Variants in PHC1 observed in about 807,000 individuals in gnomAD.
The protein encoded by PHC1 is polyhomeotic homolog 1, also known as polyhomeotic-like protein 1.
Under a neutral mutation model 104.3 loss-of-function variants are expected in PHC1, and 12 were observed. The observed-to-expected ratio is 0.12, with a 90% CI of 0.07 to 0.19. The LOEUF is 0.19. Among genes scored for constraint, PHC1 ranks in the 10% least tolerant of loss-of-function variants. PHC1 has a pLI of 1.00. For synonymous variants in PHC1, 302 were observed against 455.8 expected, an observed-to-expected ratio of 0.66 and a Z score of 4.30; for missense variants, 671 against 1,200.0, an observed-to-expected ratio of 0.56 and a Z score of 6.51.
chr12:8,935,764 T>C (rs117437670), intron 11 of PHC1, among the ~76,000 whole-genome samples: 15 of 151,834 alleles, frequency 9.9e-5, no homozygotes, highest in Admixed American at 4.6e-4. Flanking sequence ...GAATTATTAT[T>C]ATTATTTTTT....
chr12:8,936,661 G>C (rs780731654), intron 11 of PHC1, among the ~76,000 whole-genome samples, 195 bp from the exon 12 acceptor site: 1 of 152,142 alleles, frequency 6.6e-6, no homozygotes, highest in Non-Finnish European at 1.5e-5. Flanking sequence ...TTAGGAAGAC[G>C]TCATAAAGTT....
intron 6 of PHC1, among the ~76,000 whole-genome samples, 158 bp downstream of exon 6, chr12:8,922,946 A>G (rs1042971170): frequency 2.6e-5 from 4 of 152,242 alleles, no homozygotes; most frequent in African/African-American, 9.6e-5. Context: ...CTTGAATCCC[A>G]TATAACCTTT....
intron 6 of PHC1, among the ~76,000 whole-genome samples, chr12:8,925,259 T>G (rs893716187): frequency 2.0e-5 from 3 of 152,198 alleles, no homozygotes; most frequent in Admixed American, 2.0e-4. Flanking sequence ...GTTGCTGCGT[T>G]TGACTGCTTG....
Position 8,930,729 on chromosome 12 carries a change from A to G in PHC1, c.907A>G (p.Ser303Gly), listed in dbSNP as rs936230594. ...GCCTTCCTCAGGAATGGGTGGTGGG[A>G]GCTGTCCCAGAAAGGGTACAGGAGT... ...QLPSSGMGGG[S>G]CPRKGTGVVQ... The change falls in exon 7 of 15, where the codon AGC becomes GGC. Residue 303 changes from serine to glycine, a missense_variant. Transcript: ENST00000544916. 8.7e-6 allele frequency: 11 copies of G among 1,261,204 alleles called. No individual in the cohort carries two copies. The Admixed American group carries it at 9.1e-5, about 10-fold the overall frequency. 78.1% of individuals were successfully genotyped at this position (1,261,204 alleles called of 1,614,324 possible). A position where few individuals can be genotyped will look rare whatever the true frequency, so the allele number is the denominator to read the frequency against.
Position 8,919,920 on chromosome 12 carries a change from G to A in PHC1, c.225+54G>A. On this transcript the variant is annotated intron_variant, in intron 3 of 14. Transcript: ENST00000544916. This position sits in a 1 kb window ranked among gnomAD's most constrained non-coding sequence, Gnocchi z 4.9. ...GAGGGAGGGGACAGGCACTACAGGT[G>A]GGTAGGGGAGATTTTTTGGGCATAT... is the stretch of plus-strand genomic sequence containing the variant. 1 of 1,571,184 alleles carries A rather than the reference G, an allele frequency of 6.4e-7. No individual in the cohort carries two copies. The highest frequency in any genetic ancestry group is 8.6e-7 in the Non-Finnish European group (1 of 1,156,226).
intron 6 of PHC1, 38 bp downstream of exon 6, chr12:8,922,826 G>A (rs916883110): frequency 1.3e-6 from 2 of 1,593,208 alleles, no homozygotes; most frequent in Non-Finnish European, 1.7e-6. Context: ...TGGGCACTGG[G>A]CAGGATGAAG....
chr12:8,924,064 T>C (rs1846340422), intron 6 of PHC1, among the ~76,000 whole-genome samples: 2 of 152,160 alleles, frequency 1.3e-5, no homozygotes, highest in African/African-American at 4.8e-5. Flanking sequence ...GTCTGCAGAC[T>C]TTGATGTCCA....
intron 6 of PHC1, among the ~76,000 whole-genome samples, chr12:8,925,233 T>C (rs1030121944): frequency 2.6e-5 from 4 of 152,224 alleles, no homozygotes; most frequent in Non-Finnish European, 5.9e-5. Flanking sequence ...CAGGATGTGT[T>C]GTGAGGACTA....
At chr12:8,916,181 G>A (rs1387131500) in intron 1 of PHC1, 2 of 154,326 alleles carry the variant, frequency 1.3e-5, no homozygotes, top group African/African-American at 2.4e-5. Flanking sequence ...ATACATGTTT[G>A]CAGTGACATT....
Position 8,922,763 on chromosome 12 carries a change from C to T in PHC1, c.587C>T (p.Pro196Leu), listed in dbSNP as rs1450018990. Reference sequence around the variant, plus strand: ...CAGGAGGTGCCATCTGCTCAGTCTCCTGGAGTTCATGCAGATGCAGATCAG... The same window carrying T: ...CAGGAGGTGCCATCTGCTCAGTCTCTTGGAGTTCATGCAGATGCAGATCAG... ...VQQEVPSAQS[P>L]GVHADADQVQ... Residue 196 changes from proline to leucine, a missense_variant, in exon 6 of 15, where the codon CCT (proline) becomes CTT (leucine). This residue lies in a region of PHC1 where 237 missense variants were observed against 331.1 expected (regional missense o/e 0.72). Transcript: ENST00000544916. 2.5e-6 allele frequency: 4 copies of T among 1,612,772 alleles called. No individual in the cohort carries two copies. Among genetic ancestry groups the T allele is most frequent in the Non-Finnish European group, 3.4e-6 (4 of 1,179,590 alleles).
rs779450609 is a variant in PHC1 at position 8,930,613 on chromosome 12, T to G, written c.791T>G (p.Leu264Arg). Residue 264 changes from leucine (L) to arginine (R), a missense_variant, in exon 7 of 15, where the codon CTT (leucine) becomes CGT (arginine). By Grantham distance (102) the Leu-to-Arg change is moderately radical (BLOSUM62 -2). Around this residue, in one of 9 missense-constraint regions of PHC1, gnomAD observed 237 missense variants for 331.1 expected, o/e 0.72. Transcript: ENST00000544916. ...GGGGCCACAAACCAGTCCCTCAACC[T>G]TAGTCAAGCTGGTGGAGGCAGTGGG... is the stretch of plus-strand genomic sequence containing the variant. The part of the protein sequence containing the change: ...SSGATNQSLN[L>R]SQAGGGSGNS... 1 of 1,518,030 alleles carries G rather than the reference T, an allele frequency of 6.6e-7. No individual in the cohort carries two copies. Among genetic ancestry groups the G allele is most frequent in the East Asian group, 2.4e-5 (1 of 41,864 alleles). The allele number at this position is 1,518,030 out of a possible 1,614,324, so 94.0% of individuals were successfully genotyped here.
rs186443083 is a variant in PHC1, at chr12:8,935,909, C to T, written c.2368+671C>T. Among the ~76,000 whole-genome samples the T allele has an allele frequency of 2.0e-3, 300 of 152,000 alleles. 1 individual carries two copies. The highest frequency in any genetic ancestry group is 2.4e-3 in the Non-Finnish European group (166 of 67,966). On this transcript the variant is annotated intron_variant, in intron 11 of 14. Coordinates refer to ENST00000544916, the MANE Select transcript of PHC1 (RefSeq NM_004426.3). The stretch of plus-strand genomic sequence containing the variant: ...CCGAGTAACTGGGATTACAGGCATG[C>T]GCCACCACGCCTGGCTAATTTTTGT...
In PHC1 at chr12:8,917,730, C is replaced by T; in HGVS notation, c.53C>T (p.Ser18Leu). 1 of 1,577,362 alleles carries T rather than the reference C, an allele frequency of 6.3e-7. No individual in the cohort carries two copies. The highest frequency in any genetic ancestry group is 8.6e-7 in the Non-Finnish European group (1 of 1,164,934). Reference sequence around the variant, plus strand: ...AATTCCACCAATGGGAGTTCTAGCTCAGGGGGCAGCTCTCGGCCCCAGATA... The same window carrying T: ...AATTCCACCAATGGGAGTTCTAGCTTAGGGGGCAGCTCTCGGCCCCAGATA... ...NSNSTNGSSS[S>L]GGSSRPQIAQ... Residue 18 changes from serine to leucine, a missense_variant, in exon 2 of 15, where the codon TCA becomes TTA. Coordinates refer to ENST00000544916, the MANE Select transcript of PHC1 (RefSeq NM_004426.3).
chr12:8,923,860 C>CA (rs1049192593), intron 6 of PHC1, among the ~76,000 whole-genome samples: 3 of 146,472 alleles, frequency 2.0e-5, no homozygotes, highest in South Asian at 2.2e-4. Flanking sequence ...AATATTTGGG[C>CA]AAAAAAACAA....
At chr12:8,922,809 C>T in intron 6 of PHC1, 21 bp downstream of exon 6, 1 of 1,609,460 alleles carries the variant, frequency 6.2e-7, no homozygotes, top group Non-Finnish European at 8.5e-7. Flanking sequence ...ATGACTTTAC[C>T]TGTGGGTGGG....
At chr12:8,935,376 A>AGCACTTTGG in intron 11 of PHC1, 138 bp downstream of exon 11, 3 of 557,612 alleles carry the variant, frequency 5.4e-6, no homozygotes, top group Non-Finnish European at 6.3e-6. Context: ...CTGTAATCCC[A>AGCACTTTGG]GCACTTTGGG....
In PHC1 at chr12:8,933,349, C is replaced by T. The variant is rs374957900; in HGVS notation, c.1892C>T (p.Pro631Leu). The stretch of plus-strand genomic sequence containing the variant: ...TTCTATATGCAGTCTGTGCACTTGC[C>T]GGTGAGTGATGTCTGATGGTTTTGA... Reference protein sequence around the residue: ...AAFYMQSVHLPGKPQTLAVKR... With the variant: ...AAFYMQSVHLLGKPQTLAVKR... Residue 631 changes from proline (P) to leucine (L), a missense_variant and splice_region_variant, in exon 8 of 15, where the codon CCG (proline) becomes CTG (leucine). Transcript: ENST00000544916. 88 of 1,556,702 alleles carry T rather than the reference C, an allele frequency of 5.7e-5. No homozygotes were observed. The highest frequency in any genetic ancestry group is 3.4e-4 in the Middle Eastern group (2 of 5,936).
rs1049948 is a variant in PHC1 at position 8,937,932 on chromosome 12, G to A, written c.2732G>A (p.Arg911His). 0.076 allele frequency: 121,208 copies of A among 1,602,196 alleles called. 5,003 individuals are homozygous for A. The highest frequency in any genetic ancestry group is 0.091 in the Middle Eastern group (553 of 6,050). ...PLSVRAGHGERDLGNPNTAPP... is the reference protein window; with the variant it reads ...PLSVRAGHGEHDLGNPNTAPP... The stretch of plus-strand genomic sequence containing the variant: ...TCAGTAAGAGCTGGGCATGGAGAAC[G>A]TGACCTGGGGAATCCCAATACAGCT... Residue 911 changes from arginine to histidine, a missense_variant, in exon 14 of 15, where the codon CGT (arginine) becomes CAT (histidine). Coordinates refer to ENST00000544916, the MANE Select transcript of PHC1 (RefSeq NM_004426.3).
At position 8,919,740 on chromosome 12, in the gene PHC1, T is replaced by C. The variant is rs1239974249; in HGVS notation, c.115-16T>C. ...GGAGTGGTCCATTCTAAATGTTTTA[T>C]CCTCTCTTTTCCTAGGCTCTGCAAG... On this transcript the variant is annotated splice_polypyrimidine_tract_variant and intron_variant, in intron 2 of 14. Coordinates refer to ENST00000544916, the MANE Select transcript of PHC1 (RefSeq NM_004426.3). The surrounding 1 kb of genome is among the most constrained non-coding windows in gnomAD (Gnocchi z 4.9). The C allele has an allele frequency of 2.5e-6, 4 of 1,608,266 alleles. No individual in the cohort carries two copies. Among genetic ancestry groups the C allele is most frequent in the East Asian group, 2.2e-5 (1 of 44,884 alleles).
Sources: gnomAD v4.1 joint callset for allele counts (sites outside exome capture counted in the v4.1 genomes callset) on GRCh38, gnomAD v4.1.1 for gene constraint, gnomAD v4.1.1 regional missense constraint, Gnocchi (gnomAD v3.1) non-coding constraint, MANE v1.5 for transcripts, NCBI Gene and HGNC (gene_info 2026-07-23, HGNC 2026-07-21) for gene names.